Variants in MAP3K10 observed in about 807,000 individuals in gnomAD.
MAP3K10 encodes mitogen-activated protein kinase kinase kinase 10.
Under a neutral mutation model 75.0 loss-of-function variants are expected in MAP3K10, and 22 were observed. The ratio of observed to expected loss-of-function variants is 0.29; its 90% CI spans 0.21 to 0.42. MAP3K10 has a LOEUF of 0.42. MAP3K10 is among the 10% of genes least tolerant of loss of function. The probability of loss-of-function intolerance (pLI) is 1.00; values close to 1 mark genes in which losing one functional copy is unlikely to be tolerated. For synonymous variants in MAP3K10, 599 were observed against 612.9 expected (o/e 0.98, Z 0.34); for missense variants, 1,165 against 1,379.8 (o/e 0.84, Z 2.47).
At position 40,213,914 on chromosome 19, in the gene MAP3K10, C is replaced by A. The variant is rs1453919423; in HGVS notation, c.2235C>A (p.Thr745=). 1 of 1,517,514 alleles carries A rather than the reference C, an allele frequency of 6.6e-7. No homozygotes were observed. Among genetic ancestry groups the A allele is most frequent in the Admixed American group, 2.0e-5 (1 of 49,092 alleles). 94.0% of individuals were successfully genotyped at this position (1,517,514 alleles called of 1,614,324 possible). A position where few individuals can be genotyped will look rare whatever the true frequency, so the allele number is the denominator to read the frequency against. ...GCCTGGGCCTGGCGCCCTCGGCCAC[C>A]CTCGTGTCGCTGTCGTCCGTGTCCG... The part of the protein sequence containing the change: ...GPGLGLAPSA[T]LVSLSSVSDC... Residue 745 remains threonine, a synonymous_variant, in exon 9 of 10, where the codon ACC becomes ACA. Coordinates refer to ENST00000253055, the MANE Select transcript of MAP3K10 (RefSeq NM_002446.4). This position sits in a 1 kb window ranked among gnomAD's most constrained non-coding sequence, Gnocchi z 5.7.
chr19:40,198,637 C>G lies in MAP3K10; in HGVS notation c.863+82C>G. ...GAGGGCAGAGTGGGAGGGAGGGTCTCCTGCTGAAGCCAGGATCTCAGTCTG... is the reference window on the plus strand; with the variant it reads ...GAGGGCAGAGTGGGAGGGAGGGTCTGCTGCTGAAGCCAGGATCTCAGTCTG... On this transcript the variant is annotated intron_variant, in intron 2 of 9. Coordinates refer to ENST00000253055, the MANE Select transcript of MAP3K10 (RefSeq NM_002446.4). The surrounding 1 kb of genome is among the most constrained non-coding windows in gnomAD (Gnocchi z 4.3). 1 of 1,369,810 alleles carries G rather than the reference C, an allele frequency of 7.3e-7. No homozygotes were observed. The highest frequency in any genetic ancestry group is 9.9e-7 in the Non-Finnish European group (1 of 1,010,170). The allele number at this position is 1,369,810 out of a possible 1,614,324, so 84.9% of individuals were successfully genotyped here.
chr19:40,214,007 A>AC lies in MAP3K10; in HGVS notation c.2330dup (p.Pro778ThrfsTer74). On this transcript the variant is annotated frameshift_variant, in exon 9 of 10. Coordinates refer to ENST00000253055, the MANE Select transcript of MAP3K10 (RefSeq NM_002446.4). LOFTEE classifies it high-confidence loss of function. ...AGGCCGCACCGGCCGCGCCCTCCCC[A>AC]CCACCCTCCCCGCCCGCGCCCACAC... 10 of 512,904 alleles carry AC rather than the reference A, an allele frequency of 1.9e-5. No homozygotes were observed. Among genetic ancestry groups the AC allele is most frequent in the East Asian group, 1.9e-4 (3 of 15,466 alleles). 31.8% of individuals were successfully genotyped at this position (512,904 alleles called of 1,614,324 possible).
rs1172089131 is a variant in MAP3K10 at position 40,213,331 on chromosome 19, TG to T, written c.1837+149del. 1.4e-5 allele frequency: 21 copies of T among 1,450,372 alleles called. No individual in the cohort carries two copies. Among genetic ancestry groups the T allele is most frequent in the Admixed American group, 2.6e-5 (1 of 38,222 alleles). The allele number at this position is 1,450,372 out of a possible 1,614,324, so 89.8% of individuals were successfully genotyped here. ...AAGGGAGATGGTGGCCCCTGGGGCG[TG>T]GGGGGTCATTTCCAGGGGCAGGGAC... On this transcript the variant is annotated intron_variant, in intron 8 of 9. Transcript: ENST00000253055. This position sits in a 1 kb window ranked among gnomAD's most constrained non-coding sequence, Gnocchi z 5.7.
At position 40,213,921 on chromosome 19, in the gene MAP3K10, T is replaced by C. The variant is rs1312922323; in HGVS notation, c.2242T>C (p.Ser748Pro). 6.6e-7 allele frequency: 1 copy of C among 1,521,910 alleles called. No homozygotes were observed. The allele number at this position is 1,521,910 out of a possible 1,614,324, so 94.3% of individuals were successfully genotyped here. ...LGLAPSATLV[S>P]LSSVSDCNST... ...CCTGGCGCCCTCGGCCACCCTCGTG[T>C]CGCTGTCGTCCGTGTCCGACTGCAA... Residue 748 changes from serine (S) to proline (P), a missense_variant, in exon 9 of 10, where the codon TCG (serine) becomes CCG (proline). Around this residue, in one of 2 missense-constraint regions of MAP3K10, gnomAD observed 590 missense variants for 586.6 expected, o/e 1.01. Coordinates refer to ENST00000253055, the MANE Select transcript of MAP3K10 (RefSeq NM_002446.4). The surrounding 1 kb of genome is among the most constrained non-coding windows in gnomAD (Gnocchi z 5.7).
rs540473690 is a variant in MAP3K10, at chr19:40,212,174, G to T, written c.1553-631G>T. On this transcript the variant is annotated intron_variant, in intron 6 of 9. Transcript: ENST00000253055. This position sits in a 1 kb window ranked among gnomAD's most constrained non-coding sequence, Gnocchi z 4.2. ...GAGATGATGGAGGCCAGGCCAGGGT[G>T]GGGGACTTGGAAGGGACAGATGTCC... Among the ~76,000 whole-genome samples the T allele has an allele frequency of 1.9e-4, 29 of 152,320 alleles. No homozygotes were observed. The South Asian group carries it at 5.8e-3, about 30-fold the overall frequency.
chr19:40,213,434 T>C lies in MAP3K10; in HGVS notation c.1838-83T>C. On this transcript the variant is annotated intron_variant, in intron 8 of 9. Transcript: ENST00000253055. The surrounding 1 kb of genome is among the most constrained non-coding windows in gnomAD (Gnocchi z 5.7). ...GGTCTTGGTCTTGCTGTTGGAGGGG[T>C]CATCGGGGGCTGTCCCTTGGCACAA... 6.5e-7 allele frequency: 1 copy of C among 1,549,072 alleles called. No homozygotes were observed. The highest frequency in any genetic ancestry group is 8.7e-7 in the Non-Finnish European group (1 of 1,153,260).
At chr19:40,194,349 T>C (rs577948533) in intron 1 of MAP3K10, among the ~76,000 whole-genome samples, 74 of 151,714 alleles carry the variant, frequency 4.9e-4, no homozygotes, top group African/African-American at 1.7e-3. Context: ...CAGAGCAAGA[T>C]TCCATCGCAA....
rs1973268657 is a variant in MAP3K10, at chr19:40,212,998, C to T, written c.1724+22C>T. The T allele has an allele frequency of 1.3e-6, 2 of 1,591,798 alleles. No homozygotes were observed. Among genetic ancestry groups the T allele is most frequent in the Non-Finnish European group, 1.7e-6 (2 of 1,167,542 alleles). On this transcript the variant is annotated intron_variant, in intron 7 of 9. Transcript: ENST00000253055. This position sits in a 1 kb window ranked among gnomAD's most constrained non-coding sequence, Gnocchi z 4.2. ...AGAGGTGAGGTGTGGTGTGGTCATG[C>T]CCACCCTGTGCCCAAGCCCCAGCTC...
In MAP3K10 at chr19:40,212,158, G is replaced by GAGGCC. The variant is rs772895005; in HGVS notation, c.1553-638_1553-634dup. On this transcript the variant is annotated intron_variant, in intron 6 of 9. Coordinates refer to ENST00000253055, the MANE Select transcript of MAP3K10 (RefSeq NM_002446.4). The surrounding 1 kb of genome is among the most constrained non-coding windows in gnomAD (Gnocchi z 4.2). The stretch of plus-strand genomic sequence containing the variant: ...AGGTGGAGAAAGCAGTGAGATGATG[G>GAGGCC]AGGCCAGGCCAGGGTGGGGGACTTG... 3.9e-5 allele frequency among the ~76,000 whole-genome samples: 6 copies of GAGGCC among 152,224 alleles called. No homozygotes were observed. Among genetic ancestry groups the GAGGCC allele is most frequent in the African/African-American group, 7.2e-5 (3 of 41,462 alleles).
chr19:40,196,394 G>A (rs113945008), intron 1 of MAP3K10, among the ~76,000 whole-genome samples: 3 of 152,200 alleles, frequency 2.0e-5, no homozygotes, highest in African/African-American at 7.2e-5. Context: ...TACTCTTGTA[G>A]TCCCAGCAAT....
Position 40,192,113 on chromosome 19 carries a change from G to A in MAP3K10, c.82G>A (p.Glu28Lys). ...GPVWTAVFDY[E>K]AAGDEELTLR... ...CGTCTGGACCGCGGTGTTCGACTAC[G>A]AGGCGGCGGGCGACGAGGAGCTGAC... Residue 28 changes from glutamate (E) to lysine (K), a missense_variant, in exon 1 of 10, where the codon GAG becomes AAG. Glu to Lys is a moderately conservative substitution (Grantham distance 56, BLOSUM62 1). This residue lies in a region of MAP3K10 where 575 missense variants were observed against 793.2 expected (regional missense o/e 0.72). Coordinates refer to ENST00000253055, the MANE Select transcript of MAP3K10 (RefSeq NM_002446.4). The surrounding 1 kb of genome is among the most constrained non-coding windows in gnomAD (Gnocchi z 7.1). 6.4e-7 allele frequency: 1 copy of A among 1,566,060 alleles called. No homozygotes were observed. Among genetic ancestry groups the A allele is most frequent in the East Asian group, 2.3e-5 (1 of 43,414 alleles).
chr19:40,208,358 T>TA (rs1568492109), intron 5 of MAP3K10, among the ~76,000 whole-genome samples: 25 of 109,222 alleles, frequency 2.3e-4, no homozygotes, highest in South Asian at 6.2e-4. Context: ...TTTTTTTTTT[T>TA]TTTTTTTTTT....
At position 40,205,360 on chromosome 19, in the gene MAP3K10, G is replaced by A. The variant is rs573224355; in HGVS notation, c.1188+64G>A. ...CCCCTGAGTTCTGATGCCTTGGGCTGCTCAGAGACTCCTCCCCTGAACCCC... is the reference window on the plus strand; with the variant it reads ...CCCCTGAGTTCTGATGCCTTGGGCTACTCAGAGACTCCTCCCCTGAACCCC... On this transcript the variant is annotated intron_variant, in intron 4 of 9. Coordinates refer to ENST00000253055, the MANE Select transcript of MAP3K10 (RefSeq NM_002446.4). The surrounding 1 kb of genome is among the most constrained non-coding windows in gnomAD (Gnocchi z 4.3). 1.9e-6 allele frequency: 3 copies of A among 1,544,482 alleles called. No homozygotes were observed. In the East Asian group the frequency reaches 6.8e-5, roughly 35 times the overall value.
chr19:40,215,183 C>T lies in MAP3K10; in HGVS notation c.2756C>T (p.Pro919Leu), dbSNP rs1170162569. The change falls in exon 10 of 10, where the codon CCG (proline) becomes CTG (leucine). Residue 919 changes from proline to leucine, a missense_variant. Around this residue, in one of 2 missense-constraint regions of MAP3K10, gnomAD observed 590 missense variants for 586.6 expected, o/e 1.01. Transcript: ENST00000253055. Reference sequence around the variant, plus strand: ...TCGCCTCCCAGCAGGCCAGACACTCCGGAGAGCCCTGGGCCCCCCAGCGTG... The same window carrying T: ...TCGCCTCCCAGCAGGCCAGACACTCTGGAGAGCCCTGGGCCCCCCAGCGTG... ...TISPPSRPDT[P>L]ESPGPPSVQP... 4.4e-6 allele frequency: 7 copies of T among 1,596,710 alleles called. No homozygotes were observed. Among genetic ancestry groups the T allele is most frequent in the Non-Finnish European group, 5.1e-6 (6 of 1,172,502 alleles).
At chr19:40,199,214 G>A (rs1216915114) in intron 2 of MAP3K10, among the ~76,000 whole-genome samples, 1 of 152,160 alleles carries the variant, frequency 6.6e-6, no homozygotes, top group African/African-American at 2.4e-5. Context: ...TAACTGCACC[G>A]GGTTCTAGGG....
chr19:40,199,130 C>G (rs1334833383), intron 2 of MAP3K10, among the ~76,000 whole-genome samples: 3 of 152,080 alleles, frequency 2.0e-5, no homozygotes, highest in African/African-American at 7.2e-5. Context: ...TGAAAGCCCC[C>G]TCAGACACTA....
Position 40,207,504 on chromosome 19 carries a change from G to A in MAP3K10, c.1435+1347G>A, listed in dbSNP as rs557822891. On this transcript the variant is annotated intron_variant, in intron 5 of 9. Coordinates refer to ENST00000253055, the MANE Select transcript of MAP3K10 (RefSeq NM_002446.4). The stretch of plus-strand genomic sequence containing the variant: ...TAATCCCAGCACTTTTTGGGGCTAA[G>A]ACGGGCAGATCACCTGAGGTCAGGA... Among the ~76,000 whole-genome samples the A allele has an allele frequency of 5.9e-5, 9 of 152,286 alleles. No individual in the cohort carries two copies. The East Asian group carries it at 1.7e-3, about 29-fold the overall frequency.
At chr19:40,195,639 G>A (rs75813080) in intron 1 of MAP3K10, among the ~76,000 whole-genome samples, 2 of 151,822 alleles carry the variant, frequency 1.3e-5, no homozygotes, top group Non-Finnish European at 2.9e-5. Context: ...GGCTACAGGC[G>A]TGCGCCACCA....
Position 40,204,443 on chromosome 19 carries a change from G to A in MAP3K10, c.864-42G>A. 1.3e-6 allele frequency: 2 copies of A among 1,594,750 alleles called. No homozygotes were observed. The highest frequency in any genetic ancestry group is 1.7e-6 in the Non-Finnish European group (2 of 1,172,300). Reference sequence around the variant, plus strand: ...CAGGGCTGGGTATAGGTGAGGATTGGGGTGGGCTGCGACATCACCCCTCCC... The same window carrying A: ...CAGGGCTGGGTATAGGTGAGGATTGAGGTGGGCTGCGACATCACCCCTCCC... On this transcript the variant is annotated intron_variant, in intron 2 of 9. Transcript: ENST00000253055. The surrounding 1 kb of genome is among the most constrained non-coding windows in gnomAD (Gnocchi z 4.3).
Sources: allele counts gnomAD v4.1 joint callset (sites outside exome capture counted in the v4.1 genomes callset), GRCh38; gene constraint gnomAD v4.1.1; regional missense constraint gnomAD v4.1.1; non-coding constraint Gnocchi (gnomAD v3.1); transcripts MANE v1.5; gene names NCBI Gene and HGNC (gene_info 2026-07-23, HGNC 2026-07-21).